Variants in CHN1 observed in about 807,000 individuals in gnomAD.
CHN1 encodes the protein chimerin 1.
In CHN1, 37 loss-of-function variants were observed where a neutral mutation model predicts 59.5. The observed-to-expected ratio is 0.62, with a 90% CI of 0.48 to 0.82. CHN1 has a LOEUF of 0.82. CHN1 is among the 40% of genes least tolerant of loss of function. The pLI, the probability that CHN1 is intolerant of heterozygous loss-of-function variation, is 0.00. For missense variants in CHN1, 469 were observed against 571.0 expected (o/e 0.82, Z 1.82); for synonymous variants, 206 against 200.4 (o/e 1.03, Z -0.24).
intron 8 of CHN1, chr2:174,821,662 T>C (rs1685500694): frequency 2.4e-6 from 1 of 419,168 alleles, no homozygotes; most frequent in South Asian, 1.9e-5. Flanking sequence ...CACTGCATTG[T>C]AGGCACCTCC....
At chr2:174,980,771 C>T (rs1287458056) in intron 1 of CHN1, among the ~76,000 whole-genome samples, 1 of 152,068 alleles carries the variant, frequency 6.6e-6, no homozygotes, top group Non-Finnish European at 1.5e-5. Context: ...TGAATCTAAA[C>T]TATGATATTC....
At chr2:174,913,805 G>A (rs1433981164) in intron 5 of CHN1, among the ~76,000 whole-genome samples, 6 of 152,180 alleles carry the variant, frequency 3.9e-5, no homozygotes, top group Non-Finnish European at 7.4e-5. Flanking sequence ...GATTGGAGAA[G>A]GAATTAGACA....
chr2:174,860,202 A>T (rs1243809259), intron 6 of CHN1, among the ~76,000 whole-genome samples: 1 of 152,152 alleles, frequency 6.6e-6, no homozygotes, highest in South Asian at 2.1e-4. Flanking sequence ...AACTAATTAA[A>T]CTGTTTTTAG....
intron 6 of CHN1, chr2:174,875,793 T>C (rs1687547907): frequency 1.0e-6 from 1 of 984,320 alleles, no homozygotes; most frequent in Admixed American, 6.1e-5. Flanking sequence ...CTTACAAATG[T>C]CATCCATTGT....
chr2:174,952,795 G>A lies in CHN1; in HGVS notation c.20-593C>T, dbSNP rs766224310. 4.0e-4 allele frequency among the ~76,000 whole-genome samples: 61 copies of A among 152,154 alleles called. 1 individual carries two copies. The highest frequency in any genetic ancestry group is 8.8e-5 in the Non-Finnish European group (6 of 68,034). ...GAGAGTGTATCTAGGGAACCACAACGAACATGAGGTGAACATCTGCTCTTC... is the reference window on the plus strand; with the variant it reads ...GAGAGTGTATCTAGGGAACCACAACAAACATGAGGTGAACATCTGCTCTTC... On this transcript the variant is annotated intron_variant, in intron 1 of 12. Transcript: ENST00000409900.
chr2:174,857,834 A>G (rs1686951472), intron 6 of CHN1, among the ~76,000 whole-genome samples: 1 of 152,228 alleles, frequency 6.6e-6, no homozygotes, highest in Non-Finnish European at 1.5e-5. Context: ...AGGTGAAATC[A>G]GAGAAGGTCT....
intron 6 of CHN1, among the ~76,000 whole-genome samples, chr2:174,869,429 A>G (rs542086775): frequency 6.6e-6 from 1 of 152,318 alleles, no homozygotes; most frequent in Admixed American, 6.5e-5. Flanking sequence ...TACTTCAAAT[A>G]TAAGAAACTA....
intron 5 of CHN1, among the ~76,000 whole-genome samples, chr2:174,906,140 A>G (rs536859400): frequency 8.7e-5 from 13 of 149,858 alleles, no homozygotes; most frequent in Non-Finnish European, 1.8e-4. Context: ...ATAAAAACAT[A>G]TGTTTATACA....
At chr2:174,981,947 T>TC (rs1192798525) in intron 1 of CHN1, among the ~76,000 whole-genome samples, 5 of 152,012 alleles carry the variant, frequency 3.3e-5, no homozygotes, top group Non-Finnish European at 7.4e-5. Context: ...CCCTCCCTGC[T>TC]CCCCCCACCC....
At chr2:174,847,550 G>A (rs1686568499) in intron 6 of CHN1, 11 of 1,256,878 alleles carry the variant, frequency 8.8e-6, no homozygotes, top group South Asian at 4.8e-5. Flanking sequence ...CCTACATACT[G>A]CCTGCAATCA....
chr2:174,953,783 A>G (rs1690101666), intron 1 of CHN1, among the ~76,000 whole-genome samples: 1 of 152,224 alleles, frequency 6.6e-6, no homozygotes, highest in African/African-American at 2.4e-5. Flanking sequence ...CTACTGAAAG[A>G]AATCATAGAT....
intron 3 of CHN1, among the ~76,000 whole-genome samples, chr2:174,922,062 T>A (rs1689032511): frequency 6.6e-6 from 1 of 152,204 alleles, no homozygotes. Flanking sequence ...ATTTCTCTGC[T>A]TATAAAACTC....
Position 174,883,300 on chromosome 2 carries a change from A to C in CHN1, c.261-5172T>G, listed in dbSNP as rs549607421. On this transcript the variant is annotated intron_variant, in intron 5 of 12. Transcript: ENST00000409900. ...TTTCTAGGCAGGATAAAACAGGGAG[A>C]TAGTGAACTGAGGGAATACAAGCAG... Among the ~76,000 whole-genome samples, 14 of 152,356 alleles carry C rather than the reference A, an allele frequency of 9.2e-5. No homozygotes were observed. In the East Asian group the frequency reaches 2.7e-3, roughly 29 times the overall value.
intron 8 of CHN1, among the ~76,000 whole-genome samples, chr2:174,823,620 G>A (rs1313800340): frequency 6.6e-6 from 1 of 151,412 alleles, no homozygotes; most frequent in Non-Finnish European, 1.5e-5. Flanking sequence ...CCGAGATCGC[G>A]CTACTGCACT....
At chr2:174,930,065 C>T (rs763771966) in intron 3 of CHN1, among the ~76,000 whole-genome samples, 9 of 152,156 alleles carry the variant, frequency 5.9e-5, no homozygotes, top group Non-Finnish European at 8.8e-5. Flanking sequence ...TTTATCCAGT[C>T]GATGGCCTAA....
rs536644932 is a variant in CHN1 at position 174,802,907 on chromosome 2, G to A, written c.1103-1095C>T. On this transcript the variant is annotated intron_variant, in intron 11 of 12. Coordinates refer to ENST00000409900, the MANE Select transcript of CHN1 (RefSeq NM_001822.7). Reference sequence around the variant, plus strand: ...ACAAAAATTAGCCAGGTGTGGTGGCGGGTGCCTGTAATCCCAGCTACTTGG... The same window carrying A: ...ACAAAAATTAGCCAGGTGTGGTGGCAGGTGCCTGTAATCCCAGCTACTTGG... 1.6e-3 allele frequency among the ~76,000 whole-genome samples: 237 copies of A among 152,164 alleles called. 1 individual carries two copies. Among genetic ancestry groups the A allele is most frequent in the African/African-American group, 5.2e-3 (215 of 41,512 alleles).
At chr2:174,848,890 G>A (rs1286417122) in intron 6 of CHN1, among the ~76,000 whole-genome samples, 1 of 152,066 alleles carries the variant, frequency 6.6e-6, no homozygotes, top group East Asian at 1.9e-4. Flanking sequence ...AAATGCAATG[G>A]AAAAAGTCTC....
chr2:174,984,125 C>A (rs932681764), intron 1 of CHN1, among the ~76,000 whole-genome samples: 1 of 151,162 alleles, frequency 6.6e-6, no homozygotes, highest in African/African-American at 2.4e-5. Context: ...GAAATAGGCA[C>A]GTTTGAAAGC....
intron 5 of CHN1, among the ~76,000 whole-genome samples, chr2:174,914,569 G>A (rs369717751): frequency 1.3e-4 from 20 of 152,268 alleles, no homozygotes; most frequent in African/African-American, 2.6e-4. Context: ...TTTTCAGGCC[G>A]GGTGTGGTGG....
Sources: gnomAD v4.1 joint callset for allele counts (sites outside exome capture counted in the v4.1 genomes callset) on GRCh38, gnomAD v4.1.1 for gene constraint, MANE v1.5 for transcripts, NCBI Gene and HGNC (gene_info 2026-07-23, HGNC 2026-07-21) for gene names.